The following LIN9 variants were observed in gnomAD, a reference collection of about 807,000 sequenced individuals.
The protein encoded by LIN9 is lin-9 DREAM MuvB core complex component.
In LIN9, 18 loss-of-function variants were observed where a neutral mutation model predicts 78.0. That is an observed-to-expected ratio of 0.23 (90% confidence interval 0.16 to 0.34). LIN9 has a LOEUF of 0.34. Ranked by LOEUF, LIN9 falls within the 10% of genes least tolerant of loss-of-function variation. LIN9 has a pLI of 1.00. For missense variants in LIN9, 451 were observed against 644.1 expected (o/e 0.70, Z 3.25); for synonymous variants, 192 against 215.2 (o/e 0.89, Z 0.94).
intron 4 of LIN9, among the ~76,000 whole-genome samples, chr1:226,293,319 CAGA>C (rs932352897): frequency 1.3e-5 from 2 of 152,128 alleles, no homozygotes; most frequent in Admixed American, 1.3e-4. Context: ...TAAAATAGTC[CAGA>C]AGGAGTGATG....
chr1:226,272,586 A>G (rs1660363250), intron 7 of LIN9, among the ~76,000 whole-genome samples: 1 of 137,826 alleles, frequency 7.3e-6, no homozygotes, highest in Non-Finnish European at 1.5e-5. Context: ...GGGTCTCACT[A>G]TGGTGGGAAA....
intron 10 of LIN9, among the ~76,000 whole-genome samples, chr1:226,253,783 C>T (rs1481865049): frequency 6.6e-6 from 1 of 151,936 alleles, no homozygotes; most frequent in African/African-American, 2.4e-5. Context: ...GGCATGATGG[C>T]AGGCACCTGT....
chr1:226,281,055 GTA>G (rs1422004188), intron 6 of LIN9, among the ~76,000 whole-genome samples: 1 of 152,230 alleles, frequency 6.6e-6, no homozygotes, highest in African/African-American at 2.4e-5. Flanking sequence ...TTAAAATATG[GTA>G]TATATGCACA....
intron 7 of LIN9, among the ~76,000 whole-genome samples, chr1:226,270,025 T>G (rs1052197527): frequency 6.6e-6 from 1 of 152,070 alleles, no homozygotes; most frequent in Non-Finnish European, 1.5e-5. Context: ...CGGGTTCAAG[T>G]GATTCTCCTG....
intron 12 of LIN9, among the ~76,000 whole-genome samples, chr1:226,236,580 C>G (rs1421203902): frequency 3.9e-5 from 6 of 152,048 alleles, no homozygotes; most frequent in Non-Finnish European, 1.5e-5. Context: ...CTCAGCCTCC[C>G]GAGTAGCTGG....
chr1:226,304,548 T>C (rs1044252197), intron 1 of LIN9, among the ~76,000 whole-genome samples: 10 of 152,154 alleles, frequency 6.6e-5, no homozygotes, highest in Non-Finnish European at 1.3e-4. Context: ...CAGGGTGATA[T>C]TGGTGGGGAC....
intron 7 of LIN9, among the ~76,000 whole-genome samples, chr1:226,273,392 G>T (rs574997019): frequency 5.9e-5 from 9 of 151,272 alleles, no homozygotes; most frequent in Non-Finnish European, 1.0e-4. Flanking sequence ...GGAACTACAG[G>T]AGCACAACAC....
At chr1:226,267,314 GTATA>G (rs1401165803) in intron 8 of LIN9, among the ~76,000 whole-genome samples, 2 of 138,660 alleles carry the variant, frequency 1.4e-5, no homozygotes, top group Admixed American at 7.6e-5. Context: ...TATATATTAT[GTATA>G]TATGTATGTA....
At chr1:226,247,908 AAGTG>A (rs980681909) in intron 11 of LIN9, among the ~76,000 whole-genome samples, 1 of 152,030 alleles carries the variant, frequency 6.6e-6, no homozygotes, top group Non-Finnish European at 1.5e-5. Context: ...TCGTGACCTC[AAGTG>A]ATCCACTCGC....
At chr1:226,287,606 T>A (rs1661450570) in intron 5 of LIN9, 58 bp downstream of exon 5, 2 of 1,267,866 alleles carry the variant, frequency 1.6e-6, no homozygotes, top group Admixed American at 2.7e-5. Flanking sequence ...CTTAAAACAC[T>A]TGAAAAACTT....
At chr1:226,272,399 A>ATTT (rs1660341929) in intron 7 of LIN9, among the ~76,000 whole-genome samples, 2 of 133,374 alleles carry the variant, frequency 1.5e-5, no homozygotes, top group African/African-American at 5.6e-5. Flanking sequence ...TTTTTTTTTG[A>ATTT]GACAGAGTCT....
intron 12 of LIN9, among the ~76,000 whole-genome samples, chr1:226,238,603 GGT>G (rs1342880512): frequency 6.6e-6 from 1 of 151,698 alleles, no homozygotes; most frequent in East Asian, 1.9e-4. Flanking sequence ...ACTCCAGCCT[GGT>G]CAACAGAGCT....
At chr1:226,284,470 T>A (rs1320543892) in intron 6 of LIN9, among the ~76,000 whole-genome samples, 1 of 152,152 alleles carries the variant, frequency 6.6e-6, no homozygotes, top group African/African-American at 2.4e-5. Context: ...ACACCTGTAA[T>A]CCTAGCACTT....
At chr1:226,279,160 T>C (rs377096117) in intron 6 of LIN9, among the ~76,000 whole-genome samples, 205 of 150,100 alleles carry the variant, frequency 1.4e-3, no homozygotes, top group African/African-American at 4.7e-3. Flanking sequence ...GACTCCGTCT[T>C]GGGGGAAAAA....
chr1:226,238,013 A>G (rs1157900391), intron 12 of LIN9, among the ~76,000 whole-genome samples: 1 of 152,108 alleles, frequency 6.6e-6, no homozygotes, highest in Non-Finnish European at 1.5e-5. Context: ...GAAACACACA[A>G]CCTCAAAGTA....
At chr1:226,243,341 T>C (rs1184800334) in intron 11 of LIN9, among the ~76,000 whole-genome samples, 1 of 152,224 alleles carries the variant, frequency 6.6e-6, no homozygotes, top group Non-Finnish European at 1.5e-5. Flanking sequence ...GAGTGATCTA[T>C]ATTTACTGAT....
chr1:226,254,149 T>C (rs1266016136), intron 10 of LIN9, among the ~76,000 whole-genome samples: 1 of 152,122 alleles, frequency 6.6e-6, no homozygotes, highest in East Asian at 1.9e-4. Context: ...CCCAGGCTTG[T>C]CTTCAACTCC....
chr1:226,295,318 G>A (rs1292325766), intron 4 of LIN9, among the ~76,000 whole-genome samples: 2 of 151,866 alleles, frequency 1.3e-5, no homozygotes, highest in South Asian at 4.2e-4. Flanking sequence ...GCGTGGTGGT[G>A]TGATCCTGTA....
intron 2 of LIN9, 53 bp from the exon 3 acceptor site, chr1:226,297,866 A>G: frequency 1.1e-6 from 1 of 874,956 alleles, no homozygotes; most frequent in South Asian, 2.4e-5. Flanking sequence ...AAAGGATTTC[A>G]TACCATGAAT....
Sources: allele counts gnomAD v4.1 joint callset (sites outside exome capture counted in the v4.1 genomes callset), GRCh38; gene constraint gnomAD v4.1.1; transcripts MANE v1.5; gene names NCBI Gene and HGNC (gene_info 2026-07-23, HGNC 2026-07-21).